The following UVRAG variants were observed in gnomAD, a reference collection of about 807,000 sequenced individuals.
UVRAG encodes the protein UV radiation resistance-associated gene protein.
Under a neutral mutation model 78.0 loss-of-function variants are expected in UVRAG, and 19 were observed. That is an observed-to-expected ratio of 0.24 (90% CI 0.17 to 0.36). The LOEUF (loss-of-function observed/expected upper bound fraction) is 0.36. Among genes scored for constraint, UVRAG ranks in the 10% least tolerant of loss-of-function variants. The pLI, the probability that UVRAG is intolerant of heterozygous loss-of-function variation, is 1.00. For synonymous variants in UVRAG, 323 were observed against 324.6 expected, an observed-to-expected ratio of 1.00 and a Z score of 0.05; for missense variants, 740 against 853.8, an observed-to-expected ratio of 0.87 and a Z score of 1.66.
intron 6 of UVRAG, among the ~76,000 whole-genome samples, chr11:75,929,582 G>A (rs1948189110): frequency 6.6e-6 from 1 of 151,970 alleles, no homozygotes; most frequent in South Asian, 2.1e-4. Context: ...TTTATTTTGG[G>A]GTGTATGTTG....
chr11:75,946,509 C>T (rs1299518766), intron 6 of UVRAG, among the ~76,000 whole-genome samples: 2 of 152,022 alleles, frequency 1.3e-5, no homozygotes, highest in African/African-American at 2.4e-5. Flanking sequence ...TTCTTTAGGC[C>T]GGAAATTTGG....
intron 12 of UVRAG, among the ~76,000 whole-genome samples, chr11:76,024,542 A>C (rs1950297382): frequency 6.6e-6 from 1 of 152,176 alleles, no homozygotes; most frequent in Non-Finnish European, 1.5e-5. Context: ...AATGAGATGC[A>C]TCTTATAATT....
intron 12 of UVRAG, among the ~76,000 whole-genome samples, chr11:76,057,965 G>GT (rs969631367): frequency 4.8e-4 from 73 of 151,934 alleles, no homozygotes; most frequent in East Asian, 1.9e-3. Flanking sequence ...GGCTCGTGTG[G>GT]TTTTTTTTGT....
chr11:76,075,611 C>CAAAA (rs879475858), intron 13 of UVRAG, among the ~76,000 whole-genome samples: 51 of 134,142 alleles, frequency 3.8e-4, no homozygotes, highest in African/African-American at 1.3e-3. Flanking sequence ...GACTGTGTCT[C>CAAAA]AAAAAAAAAA....
intron 1 of UVRAG, among the ~76,000 whole-genome samples, chr11:75,843,821 T>C (rs1437009103): frequency 6.6e-6 from 1 of 152,038 alleles, no homozygotes; most frequent in Non-Finnish European, 1.5e-5. Flanking sequence ...TACCTGGGTG[T>C]GGTGGCAGGC....
At chr11:75,834,819 AAACAAAAAACAAACC>A (rs1439280456) in intron 1 of UVRAG, among the ~76,000 whole-genome samples, 1 of 152,150 alleles carries the variant, frequency 6.6e-6, no homozygotes, top group African/African-American at 2.4e-5. Flanking sequence ...GTCTCAAAAA[AAACAAAAAACAAACC>A]AACAAAAAAA....
intron 5 of UVRAG, chr11:75,911,722 G>A (rs79967933): frequency 0.045 from 16,388 of 362,914 alleles, 470 homozygotes; most frequent in African/African-American, 0.09. Flanking sequence ...GGCTGGGCGC[G>A]CTCCTTCTCC....
At chr11:76,094,826 G>A (rs187098941) in intron 13 of UVRAG, among the ~76,000 whole-genome samples, 117 of 152,174 alleles carry the variant, frequency 7.7e-4, no homozygotes, top group African/African-American at 2.4e-3. Context: ...ATGTGGACAG[G>A]GATTATCAAC....
intron 13 of UVRAG, among the ~76,000 whole-genome samples, chr11:76,069,105 C>A (rs1364251809): frequency 6.6e-6 from 1 of 152,178 alleles, no homozygotes; most frequent in Non-Finnish European, 1.5e-5. Flanking sequence ...AGTAAAATCA[C>A]TTTTTTGGTA....
intron 13 of UVRAG, among the ~76,000 whole-genome samples, chr11:76,111,513 G>A (rs141706817): frequency 1.4e-4 from 22 of 152,268 alleles, no homozygotes; most frequent in African/African-American, 4.3e-4. Context: ...AGCTCTGAAC[G>A]TAAACTGCTT....
chr11:75,856,052 C>G (rs746634411), intron 2 of UVRAG, among the ~76,000 whole-genome samples: 1 of 152,148 alleles, frequency 6.6e-6, no homozygotes, highest in Non-Finnish European at 1.5e-5. Context: ...TGCAGTGGCG[C>G]GATTCCAGCT....
chr11:76,049,673 C>T (rs1229453608), intron 12 of UVRAG, among the ~76,000 whole-genome samples: 4 of 152,236 alleles, frequency 2.6e-5, no homozygotes, highest in South Asian at 2.1e-4. Flanking sequence ...TTCACCCATA[C>T]ATTCACCCCT....
At chr11:75,820,424 C>T (rs1432949094) in intron 1 of UVRAG, among the ~76,000 whole-genome samples, 6 of 151,500 alleles carry the variant, frequency 4.0e-5, no homozygotes, top group East Asian at 1.9e-4. Context: ...GTGCGATCTC[C>T]GCTCACCGCA....
At chr11:76,014,315 T>C (rs2135362785) in intron 11 of UVRAG, among the ~76,000 whole-genome samples, 1 of 152,344 alleles carries the variant, frequency 6.6e-6, no homozygotes, top group Non-Finnish European at 1.5e-5. Context: ...TTGACTTGCT[T>C]GAAAGGCTAA....
In UVRAG at chr11:75,974,661, C is replaced by T. The variant is rs55726751; in HGVS notation, c.700-8726C>T. ...GATTACAGGCGTGAGCCACCGCGCC[C>T]GGCCAAATGTCTTCTTTTGAGAAGT... On this transcript the variant is annotated intron_variant, in intron 7 of 14. Transcript: ENST00000356136. Among the ~76,000 whole-genome samples the T allele has an allele frequency of 5.0e-3, 768 of 152,208 alleles. 6 individuals are homozygous for T. Among genetic ancestry groups the T allele is most frequent in the African/African-American group, 0.017 (713 of 41,556 alleles).
intron 4 of UVRAG, among the ~76,000 whole-genome samples, chr11:75,884,186 G>T (rs1339294659): frequency 6.7e-6 from 1 of 149,204 alleles, no homozygotes; most frequent in African/African-American, 2.5e-5. Context: ...ATTGAGCCTT[G>T]TAAGCAAAAA....
intron 12 of UVRAG, among the ~76,000 whole-genome samples, chr11:76,036,734 T>TAAA (rs533006435): frequency 7.0e-6 from 1 of 142,860 alleles, no homozygotes; most frequent in African/African-American, 2.6e-5. Flanking sequence ...GTGGCTGAGT[T>TAAA]AAAAAAAAAA....
intron 3 of UVRAG, among the ~76,000 whole-genome samples, chr11:75,864,429 G>C (rs1250842536): frequency 6.6e-6 from 1 of 152,208 alleles, no homozygotes; most frequent in Non-Finnish European, 1.5e-5. Context: ...GGTTCAGATT[G>C]ATGGGCATTG....
At chr11:76,099,622 T>A (rs1951845276) in intron 13 of UVRAG, among the ~76,000 whole-genome samples, 1 of 152,178 alleles carries the variant, frequency 6.6e-6, no homozygotes, top group Non-Finnish European at 1.5e-5. Flanking sequence ...GAGTTTCCAC[T>A]TACTAATATC....
Sources: allele counts gnomAD v4.1 joint callset (sites outside exome capture counted in the v4.1 genomes callset), GRCh38; gene constraint gnomAD v4.1.1; transcripts MANE v1.5; gene names NCBI Gene and HGNC (gene_info 2026-07-23, HGNC 2026-07-21).